Variants in NOTCH2 observed in about 807,000 individuals in gnomAD.
NOTCH2 encodes notch receptor 2, also known as neurogenic locus notch homolog protein 2.
NOTCH2 carries 29 observed loss-of-function variants against 235.8 expected under a neutral mutation model. The observed-to-expected ratio is 0.12, with a 90% CI of 0.09 to 0.17. NOTCH2 has a LOEUF of 0.17. Ranked by LOEUF, NOTCH2 falls within the 10% of genes least tolerant of loss-of-function variation. The pLI is 1.00. For synonymous variants in NOTCH2, 1,086 were observed against 1,141.5 expected (o/e 0.95, Z 0.98); for missense variants, 2,285 against 3,150.2 (o/e 0.73, Z 6.57).
At chr1:119,980,067 A>AT (rs1651755373) in intron 5 of NOTCH2, among the ~76,000 whole-genome samples, 2 of 152,274 alleles carry the variant, frequency 1.3e-5, no homozygotes, top group South Asian at 4.1e-4. Flanking sequence ...CTCGCATGAT[A>AT]TCAACATCTG....
chr1:119,939,160 C>T (rs1401987833), intron 19 of NOTCH2, among the ~76,000 whole-genome samples: 1 of 152,130 alleles, frequency 6.6e-6, no homozygotes, highest in Non-Finnish European at 1.5e-5. Flanking sequence ...AACATGCAAA[C>T]CCCACACAGA....
At chr1:119,986,820 C>T in intron 5 of NOTCH2, 140 bp downstream of exon 5, 2 of 1,039,870 alleles carry the variant, frequency 1.9e-6, no homozygotes, top group East Asian at 2.5e-5. Flanking sequence ...AAGCAATGAT[C>T]TAGCATGGAG....
intron 29 of NOTCH2, among the ~76,000 whole-genome samples, chr1:119,921,087 C>T (rs182464880): frequency 1.6e-4 from 24 of 152,288 alleles, no homozygotes; most frequent in East Asian, 5.8e-4. Flanking sequence ...AGCTACTAAG[C>T]GGCAGAGTTT....
chr1:119,943,165 C>T (rs903229430), intron 17 of NOTCH2, among the ~76,000 whole-genome samples: 1 of 152,166 alleles, frequency 6.6e-6, no homozygotes, highest in African/African-American at 2.4e-5. Context: ...ACTTATTTAT[C>T]TTATCACTGC....
chr1:120,022,763 C>A (rs1653677267), intron 2 of NOTCH2, among the ~76,000 whole-genome samples: 2 of 150,138 alleles, frequency 1.3e-5, no homozygotes, highest in African/African-American at 4.9e-5. Flanking sequence ...TATTCCTGAT[C>A]TGAAAAGTCC....
At chr1:119,940,895 C>T in intron 18 of NOTCH2, 139 bp from the exon 19 acceptor site, 1 of 773,772 alleles carries the variant, frequency 1.3e-6, no homozygotes, top group Non-Finnish European at 2.2e-6. Context: ...TTCTTACAAG[C>T]TAGATTGGGT....
chr1:119,967,637 A>G lies in NOTCH2; in HGVS notation c.1265-16T>C. On this transcript the variant is annotated splice_polypyrimidine_tract_variant and intron_variant, in intron 7 of 33. Transcript: ENST00000256646. ...TTGCTATTGGCTGAAAGACACAAGTACCAATTACTGGGATCAAAGCAGTTG... is the reference window on the plus strand; with the variant it reads ...TTGCTATTGGCTGAAAGACACAAGTGCCAATTACTGGGATCAAAGCAGTTG... 2 of 1,612,646 alleles carry G rather than the reference A, an allele frequency of 1.2e-6. No homozygotes were observed. The highest frequency in any genetic ancestry group is 1.7e-6 in the Non-Finnish European group (2 of 1,178,660).
chr1:119,985,235 C>T (rs1553202086), intron 5 of NOTCH2, among the ~76,000 whole-genome samples: 3 of 151,932 alleles, frequency 2.0e-5, no homozygotes, highest in Admixed American at 1.3e-4. Flanking sequence ...GTGAAGAAAA[C>T]CTGTGATGAA....
chr1:120,063,288 C>T (rs1235716053), intron 1 of NOTCH2, among the ~76,000 whole-genome samples: 9 of 152,238 alleles, frequency 5.9e-5, no homozygotes, highest in African/African-American at 1.9e-4. Flanking sequence ...ACCTTTATAT[C>T]TCTCCACACT....
chr1:119,967,397 C>G, intron 8 of NOTCH2, 36 bp downstream of exon 8: 1 of 1,583,804 alleles, frequency 6.3e-7, no homozygotes, highest in Non-Finnish European at 8.7e-7. Flanking sequence ...AACAGTCCCT[C>G]CTCTCTAGAC....
At chr1:120,063,052 C>T (rs1186424560) in intron 1 of NOTCH2, among the ~76,000 whole-genome samples, 3 of 151,212 alleles carry the variant, frequency 2.0e-5, no homozygotes, top group South Asian at 2.1e-4. Context: ...CAGTTTGTCC[C>T]GTCTCAAGCC....
At chr1:119,922,509 A>G in intron 27 of NOTCH2, 63 bp from the exon 28 acceptor site, 1 of 1,590,414 alleles carries the variant, frequency 6.3e-7, no homozygotes, top group Non-Finnish European at 8.6e-7. Flanking sequence ...TGTCAGCATT[A>G]GATTCATTTA....
At chr1:119,980,529 CCTA>C (rs1312067842) in intron 5 of NOTCH2, among the ~76,000 whole-genome samples, 1 of 152,326 alleles carries the variant, frequency 6.6e-6, no homozygotes, top group African/African-American at 2.4e-5. Flanking sequence ...CTCCCCAAAG[CCTA>C]CTTTTTCCTT....
chr1:119,920,525 C>G, intron 29 of NOTCH2, 128 bp from the exon 30 acceptor site: 2 of 1,037,246 alleles, frequency 1.9e-6, no homozygotes, highest in Non-Finnish European at 3.0e-6. Flanking sequence ...TCCTCCACCC[C>G]TCCAGAGGAT....
At position 119,922,228 on chromosome 1, in the gene NOTCH2, C is replaced by G; in HGVS notation, c.5213+8G>C. ...TGTGAATAGTGGCTTATTGGCAATGCCTCTTACTTCAGCCCCACAGCATCC... is the reference window on the plus strand; with the variant it reads ...TGTGAATAGTGGCTTATTGGCAATGGCTCTTACTTCAGCCCCACAGCATCC... On this transcript the variant is annotated splice_region_variant and intron_variant, in intron 28 of 33. Coordinates refer to ENST00000256646, the MANE Select transcript of NOTCH2 (RefSeq NM_024408.4). The G allele has an allele frequency of 1.2e-6, 2 of 1,613,354 alleles. No individual in the cohort carries two copies. The highest frequency in any genetic ancestry group is 1.7e-6 in the Non-Finnish European group (2 of 1,179,654).
At chr1:119,924,148 T>C (rs1411976153) in intron 25 of NOTCH2, among the ~76,000 whole-genome samples, 164 bp from the exon 26 acceptor site, 2 of 152,228 alleles carry the variant, frequency 1.3e-5, no homozygotes, top group Non-Finnish European at 2.9e-5. Context: ...CTATCCCTGA[T>C]GCCTATGCCA....
At chr1:119,918,985 C>T (rs970124339) in intron 31 of NOTCH2, among the ~76,000 whole-genome samples, 21 of 152,182 alleles carry the variant, frequency 1.4e-4, no homozygotes, top group South Asian at 4.1e-4. Context: ...TAAGAAGTAG[C>T]GGATACTAGT....
chr1:119,941,843 G>T (rs1650075534), intron 17 of NOTCH2, 89 bp from the exon 18 acceptor site: 1 of 999,714 alleles, frequency 1.0e-6, no homozygotes, highest in South Asian at 1.4e-5. Flanking sequence ...ACTAAGTCAT[G>T]CTGGGGGCAG....
intron 3 of NOTCH2, among the ~76,000 whole-genome samples, chr1:120,001,045 T>C (rs1652729730): frequency 6.6e-6 from 1 of 152,142 alleles, no homozygotes; most frequent in East Asian, 1.9e-4. Flanking sequence ...TGAGATCTGA[T>C]GGGTTTCTCA....
Sources: gnomAD v4.1 joint callset for allele counts (sites outside exome capture counted in the v4.1 genomes callset) on GRCh38, gnomAD v4.1.1 for gene constraint, MANE v1.5 for transcripts, NCBI Gene and HGNC (gene_info 2026-07-23, HGNC 2026-07-21) for gene names.